MCCC2: variants seen among roughly 807,000 people sequenced by gnomAD.
MCCC2 encodes methylcrotonoyl-CoA carboxylase beta chain, mitochondrial.
MCCC2 carries 52 observed loss-of-function variants against 77.2 expected under a neutral mutation model. The observed-to-expected ratio is 0.67, with a 90% CI of 0.54 to 0.85. MCCC2 has a LOEUF of 0.85. MCCC2 is among the 40% of genes least tolerant of loss of function. The pLI, the probability that MCCC2 is intolerant of heterozygous loss-of-function variation, is 0.00. For synonymous variants in MCCC2, 253 were observed against 248.4 expected, an observed-to-expected ratio of 1.02 and a Z score of -0.18; for missense variants, 682 against 703.2, an observed-to-expected ratio of 0.97 and a Z score of 0.34.
At chr5:71,649,005 G>A in intron 13 of MCCC2, 92 bp from the exon 14 acceptor site, 1 of 1,403,272 alleles carries the variant, frequency 7.1e-7, no homozygotes, top group Non-Finnish European at 1.0e-6. Context: ...TTAGTAAGAT[G>A]AGTTTAGTAA....
At chr5:71,632,339 G>A (rs1174509792) in intron 8 of MCCC2, among the ~76,000 whole-genome samples, 154 bp downstream of exon 8, 2 of 152,158 alleles carry the variant, frequency 1.3e-5, no homozygotes, top group African/African-American at 2.4e-5. Context: ...TCAATTCTTT[G>A]AACTGTAGAG....
intron 3 of MCCC2, among the ~76,000 whole-genome samples, chr5:71,597,306 T>TATGG (rs1405248556): frequency 2.0e-5 from 3 of 152,138 alleles, no homozygotes; most frequent in Non-Finnish European, 4.4e-5. Context: ...TCAGATCCTG[T>TATGG]ATGGCCTTGT....
chr5:71,620,562 C>T (rs1036322062), intron 6 of MCCC2, among the ~76,000 whole-genome samples: 1 of 152,144 alleles, frequency 6.6e-6, no homozygotes, highest in Non-Finnish European at 1.5e-5. Context: ...TCTCTTAGCT[C>T]TCTGTCAGAG....
intron 6 of MCCC2, among the ~76,000 whole-genome samples, chr5:71,624,693 C>T (rs867749307): frequency 2.9e-5 from 3 of 101,870 alleles, no homozygotes; most frequent in Admixed American, 1.0e-4. Flanking sequence ...TTCTTTCTTT[C>T]TTTTTTTTTT....
At position 71,643,900 on chromosome 5, in the gene MCCC2, G is replaced by A. The variant is rs747458617; in HGVS notation, c.1149+5G>A. 2 of 1,613,942 alleles carry A rather than the reference G, an allele frequency of 1.2e-6. No homozygotes were observed. Among genetic ancestry groups the A allele is most frequent in the South Asian group, 2.2e-5 (2 of 91,062 alleles). ...TTTTCTGAATCTGCAAAAAAGGCAAGTACTGTTAAAAATATTTCAAGATTT... is the reference window on the plus strand; with the variant it reads ...TTTTCTGAATCTGCAAAAAAGGCAAATACTGTTAAAAATATTTCAAGATTT... On this transcript the variant is annotated splice_donor_5th_base_variant and intron_variant, in intron 12 of 16. Transcript: ENST00000340941.
rs182191 is a variant in MCCC2, at chr5:71,650,296, G to A, written c.1488+113G>A. ...TGGTGTTCATGGCTGGGGACCTGGCGCACACTGCCTGGCCATATTTAGACT... is the reference window on the plus strand; with the variant it reads ...TGGTGTTCATGGCTGGGGACCTGGCACACACTGCCTGGCCATATTTAGACT... On this transcript the variant is annotated intron_variant, in intron 15 of 16. Transcript: ENST00000340941. The A allele has an allele frequency of 0.34, 266,937 of 794,364 alleles. 49,040 individuals are homozygous for A. Among genetic ancestry groups the A allele is most frequent in the Admixed American group, 0.55 (27,946 of 50,486 alleles). 49.2% of individuals were successfully genotyped at this position (794,364 alleles called of 1,614,324 possible).
intron 10 of MCCC2, among the ~76,000 whole-genome samples, chr5:71,639,907 T>C (rs1747065561): frequency 6.6e-6 from 1 of 152,198 alleles, no homozygotes; most frequent in African/African-American, 2.4e-5. Context: ...GAGAAAGATG[T>C]TGGGAAGCAT....
chr5:71,651,952 G>T (rs922860497), intron 15 of MCCC2, among the ~76,000 whole-genome samples: 1 of 152,112 alleles, frequency 6.6e-6, no homozygotes, highest in Non-Finnish European at 1.5e-5. Flanking sequence ...GTGTGTTAAT[G>T]GTTCTCCCTC....
chr5:71,614,369 G>A (rs1222475032), intron 6 of MCCC2, among the ~76,000 whole-genome samples: 1 of 151,990 alleles, frequency 6.6e-6, no homozygotes, highest in Non-Finnish European at 1.5e-5. Flanking sequence ...GGCAAGGCAC[G>A]GTGGTCCACA....
chr5:71,593,957 G>C (rs1166757835), intron 2 of MCCC2, among the ~76,000 whole-genome samples: 1 of 152,012 alleles, frequency 6.6e-6, no homozygotes, highest in African/African-American at 2.4e-5. Context: ...TTAGAGACAG[G>C]GTCTCCTCAC....
Position 71,626,861 on chromosome 5 carries a change from T to C in MCCC2, c.738+108T>C, listed in dbSNP as rs1436954351. The C allele has an allele frequency of 8.5e-6, 9 of 1,059,202 alleles. No individual in the cohort carries two copies. In the African/African-American group the frequency reaches 1.4e-4, roughly 17 times the overall value. The allele number at this position is 1,059,202 out of a possible 1,614,324, so 65.6% of individuals were successfully genotyped here. A position where few individuals can be genotyped will look rare whatever the true frequency, so the allele number is the denominator to read the frequency against. On this transcript the variant is annotated intron_variant, in intron 7 of 16. Coordinates refer to ENST00000340941, the MANE Select transcript of MCCC2 (RefSeq NM_022132.5). ...AAAAAATATTGTGATAAAATATGCA[T>C]AACATAAAACTTACTGTTGTAACCG...
At chr5:71,644,841 A>AT (rs1193985738) in intron 12 of MCCC2, among the ~76,000 whole-genome samples, 21 of 152,240 alleles carry the variant, frequency 1.4e-4, no homozygotes, top group Non-Finnish European at 2.8e-4. Context: ...TCTGCTACTT[A>AT]TTATTACTCC....
chr5:71,613,956 T>C (rs1746061767), intron 6 of MCCC2, among the ~76,000 whole-genome samples: 1 of 151,108 alleles, frequency 6.6e-6, no homozygotes, highest in African/African-American at 2.4e-5. Flanking sequence ...AAGAGGTTCA[T>C]ATTATATATC....
chr5:71,599,611 G>A (rs1192312392), intron 3 of MCCC2, 48 bp from the exon 4 acceptor site: 3 of 1,429,996 alleles, frequency 2.1e-6, no homozygotes, highest in Non-Finnish European at 3.0e-6. Flanking sequence ...GTTTAAATGT[G>A]TAGTTTTTAA....
intron 1 of MCCC2, among the ~76,000 whole-genome samples, chr5:71,591,826 C>T (rs750044287): frequency 8.5e-5 from 13 of 152,214 alleles, no homozygotes; most frequent in Non-Finnish European, 1.6e-4. Flanking sequence ...GATCCTAGTT[C>T]ACTGCAGCTT....
rs113702304 is a variant in MCCC2, at chr5:71,628,156, C to T, written c.738+1403C>T. Among the ~76,000 whole-genome samples, 320 of 152,274 alleles carry T rather than the reference C, an allele frequency of 2.1e-3. 1 individual carries two copies. Among genetic ancestry groups the T allele is most frequent in the African/African-American group, 6.6e-3 (274 of 41,570 alleles). On this transcript the variant is annotated intron_variant, in intron 7 of 16. Coordinates refer to ENST00000340941, the MANE Select transcript of MCCC2 (RefSeq NM_022132.5). Reference sequence around the variant, plus strand: ...ACTGCACCTGGCCAAGGCATCTTTTCATGTGCCTGTTGGCCATTTGTATGT... The same window carrying T: ...ACTGCACCTGGCCAAGGCATCTTTTTATGTGCCTGTTGGCCATTTGTATGT...
intron 6 of MCCC2, among the ~76,000 whole-genome samples, chr5:71,614,631 A>G (rs1414186910): frequency 6.6e-6 from 1 of 151,536 alleles, no homozygotes; most frequent in African/African-American, 2.4e-5. Context: ...CTATAGGCAC[A>G]TGCCATCATG....
chr5:71,613,514 G>C (rs1746044442), intron 6 of MCCC2, among the ~76,000 whole-genome samples: 1 of 152,036 alleles, frequency 6.6e-6, no homozygotes. Flanking sequence ...AAAATATTAG[G>C]GCTGGGCGTG....
At chr5:71,596,040 A>G (rs189021043) in intron 2 of MCCC2, among the ~76,000 whole-genome samples, 1 of 152,248 alleles carries the variant, frequency 6.6e-6, no homozygotes, top group East Asian at 1.9e-4. Flanking sequence ...AATTCAGAAC[A>G]TAGACTCTAG....
Sources: allele counts gnomAD v4.1 joint callset (sites outside exome capture counted in the v4.1 genomes callset), GRCh38; gene constraint gnomAD v4.1.1; transcripts MANE v1.5; gene names NCBI Gene and HGNC (gene_info 2026-07-23, HGNC 2026-07-21).